Variants in LTBP1 observed in about 807,000 individuals in gnomAD.
LTBP1 encodes the protein latent transforming growth factor beta binding protein 1, also known as latent-transforming growth factor beta-binding protein 1.
Under a neutral mutation model 207.6 loss-of-function variants are expected in LTBP1, and 129 were observed. The ratio of observed to expected loss-of-function variants is 0.62; its 90% CI spans 0.54 to 0.72. The LOEUF is 0.72. Ranked by LOEUF, LTBP1 falls within the 30% of genes least tolerant of loss-of-function variation. The pLI, the probability that LTBP1 is intolerant of heterozygous loss-of-function variation, is 0.00. For synonymous variants in LTBP1, 963 were observed against 833.7 expected (o/e 1.16, Z -2.67); for missense variants, 2,281 against 2,217.2 (o/e 1.03, Z -0.58).
intron 3 of LTBP1, among the ~76,000 whole-genome samples, chr2:33,108,833 G>T (rs1015447813): frequency 6.6e-6 from 1 of 152,198 alleles, no homozygotes; most frequent in Non-Finnish European, 1.5e-5. Context: ...GTCACTACCA[G>T]ATGTGTCCAG....
At chr2:33,274,101 CAA>C (rs1221645999) in intron 16 of LTBP1, among the ~76,000 whole-genome samples, 4 of 151,844 alleles carry the variant, frequency 2.6e-5, no homozygotes, top group Non-Finnish European at 5.9e-5. Flanking sequence ...TTAGCAAAAA[CAA>C]ATTAACATTA....
intron 32 of LTBP1, among the ~76,000 whole-genome samples, chr2:33,396,175 G>GT (rs555691297): frequency 0.27 from 40,386 of 150,088 alleles, 5,669 homozygotes; most frequent in Admixed American, 0.31. Flanking sequence ...TTTTGGTTCT[G>GT]TTTTTTTTTG....
intron 25 of LTBP1, among the ~76,000 whole-genome samples, chr2:33,345,261 C>T (rs1250855301): frequency 6.6e-6 from 1 of 152,192 alleles, no homozygotes; most frequent in African/African-American, 2.4e-5. Context: ...ACTTTTCACT[C>T]CTCACACTCA....
chr2:33,051,849 A>C (rs2076762728), intron 3 of LTBP1, among the ~76,000 whole-genome samples: 1 of 152,208 alleles, frequency 6.6e-6, no homozygotes, highest in Non-Finnish European at 1.5e-5. Flanking sequence ...AAGGCCTATC[A>C]ACTCTCCCCA....
intron 26 of LTBP1, among the ~76,000 whole-genome samples, chr2:33,353,858 G>A (rs1035829763): frequency 1.3e-4 from 19 of 140,966 alleles, no homozygotes; most frequent in African/African-American, 4.0e-4. Context: ...GTGCATGTAC[G>A]CCTTTTTTTT....
chr2:33,197,471 C>T (rs1238952531), intron 7 of LTBP1, among the ~76,000 whole-genome samples: 1 of 152,226 alleles, frequency 6.6e-6, no homozygotes, highest in Non-Finnish European at 1.5e-5. Context: ...GTTATCATCT[C>T]TGAGGAGAGG....
chr2:33,110,435 C>T (rs896341082), intron 3 of LTBP1, 147 bp from the exon 4 acceptor site: 2 of 649,430 alleles, frequency 3.1e-6, no homozygotes, highest in South Asian at 2.2e-5. Flanking sequence ...CATGAGTGGT[C>T]AGCGACAGTA....
At chr2:33,363,270 G>C in intron 28 of LTBP1, 120 bp from the exon 29 acceptor site, 1 of 961,900 alleles carries the variant, frequency 1.0e-6, no homozygotes, top group Non-Finnish European at 1.5e-6. Context: ...GTTTGTGTAG[G>C]ATTCTTTGGA....
chr2:33,252,077 C>T (rs1169805719), intron 10 of LTBP1, among the ~76,000 whole-genome samples: 3 of 152,208 alleles, frequency 2.0e-5, no homozygotes, highest in Non-Finnish European at 4.4e-5. Context: ...ATCATCTCTT[C>T]CTTCTCTGGT....
intron 26 of LTBP1, among the ~76,000 whole-genome samples, chr2:33,359,954 C>G (rs1166191807): frequency 6.6e-6 from 1 of 152,170 alleles, no homozygotes; most frequent in African/African-American, 2.4e-5. Context: ...ATGTTTTCCT[C>G]TAGGACACAG....
At chr2:33,388,820 GT>G (rs1009361517) in intron 31 of LTBP1, among the ~76,000 whole-genome samples, 1 of 152,142 alleles carries the variant, frequency 6.6e-6, no homozygotes. Flanking sequence ...CTTTAAAAAT[GT>G]TTTTGATGAT....
intron 2 of LTBP1, among the ~76,000 whole-genome samples, chr2:32,995,257 G>A (rs1685075392): frequency 6.6e-6 from 1 of 152,090 alleles, no homozygotes. Flanking sequence ...TCCACAGCCG[G>A]TGGAGATGTT....
At chr2:32,972,308 C>T (rs546400324) in intron 2 of LTBP1, among the ~76,000 whole-genome samples, 1 of 150,470 alleles carries the variant, frequency 6.6e-6, no homozygotes, top group Non-Finnish European at 1.5e-5. Flanking sequence ...TAGTTCAGCT[C>T]TGATTTTGGT....
intron 2 of LTBP1, among the ~76,000 whole-genome samples, chr2:32,990,079 TG>T (rs1434556520): frequency 6.6e-6 from 1 of 152,232 alleles, no homozygotes; most frequent in Non-Finnish European, 1.5e-5. Context: ...TGCTCCAGCC[TG>T]GGTGACAGAG....
At chr2:33,146,743 A>C (rs2083080963) in intron 5 of LTBP1, among the ~76,000 whole-genome samples, 1 of 152,138 alleles carries the variant, frequency 6.6e-6, no homozygotes, top group East Asian at 1.9e-4. Flanking sequence ...GAGAGAGTGA[A>C]ATGGGAGATG....
At chr2:33,121,243 G>A (rs2081097976) in intron 4 of LTBP1, among the ~76,000 whole-genome samples, 2 of 121,824 alleles carry the variant, frequency 1.6e-5, no homozygotes, top group Non-Finnish European at 3.3e-5. Context: ...AGCCCAAACT[G>A]CACTTCACAA....
At chr2:33,004,774 CAA>C (rs34109778) in intron 2 of LTBP1, among the ~76,000 whole-genome samples, 1 of 85,494 alleles carries the variant, frequency 1.2e-5, no homozygotes, top group Admixed American at 1.5e-4. Context: ...GCCTCAGTCT[CAA>C]AAAAAAAGGA....
chr2:33,288,641 G>C (rs1434379768), intron 19 of LTBP1, among the ~76,000 whole-genome samples: 3 of 152,112 alleles, frequency 2.0e-5, no homozygotes, highest in African/African-American at 4.8e-5. Context: ...AGATCACAAG[G>C]TCAGGAGATC....
chr2:33,311,188 T>C (rs1416451540), intron 23 of LTBP1, among the ~76,000 whole-genome samples: 3 of 152,280 alleles, frequency 2.0e-5, no homozygotes, highest in East Asian at 3.9e-4. Context: ...GTCAGAGATA[T>C]GAAAAACACG....
Sources: gnomAD v4.1 joint callset for allele counts (sites outside exome capture counted in the v4.1 genomes callset) on GRCh38, gnomAD v4.1.1 for gene constraint, MANE v1.5 for transcripts, NCBI Gene and HGNC (gene_info 2026-07-23, HGNC 2026-07-21) for gene names.